The following EFNB2 variants were observed in gnomAD, a reference collection of about 807,000 sequenced individuals.
The protein encoded by EFNB2 is ephrin-B2.
In EFNB2, 5 loss-of-function variants were observed where a neutral mutation model predicts 32.1. That is an observed-to-expected ratio of 0.16 (90% confidence interval 0.08 to 0.33). EFNB2 has a LOEUF of 0.33. Among genes scored for constraint, EFNB2 ranks in the 10% least tolerant of loss-of-function variants. The pLI is 1.00. For missense variants in EFNB2, 263 were observed against 422.6 expected, an observed-to-expected ratio of 0.62 and a Z score of 3.31; for synonymous variants, 168 against 166.5, an observed-to-expected ratio of 1.01 and a Z score of -0.07.
intron 2 of EFNB2, chr13:106,506,012 A>G (rs531092177): frequency 7.0e-4 from 107 of 152,318 alleles, no homozygotes; most frequent in African/African-American, 2.5e-3. Context: ...TCTCAGTGCA[A>G]TCTCAAGTTA....
chr13:106,500,817 CG>C (rs1034658474), intron 2 of EFNB2, among the ~76,000 whole-genome samples: 4 of 152,092 alleles, frequency 2.6e-5, no homozygotes, highest in African/African-American at 9.7e-5. Flanking sequence ...TTCTGAAGAT[CG>C]GAAGACTGTT....
Position 106,526,320 on chromosome 13 carries a change from T to C in EFNB2, c.122+8523A>G, listed in dbSNP as rs187804516. ...ATACTTACTGGATGCCAATGCTGGA[T>C]AGAAGTAGGGACTGATGAAATGAAG... On this transcript the variant is annotated intron_variant, in intron 1 of 4. Coordinates refer to ENST00000646441, the MANE Select transcript of EFNB2 (RefSeq NM_004093.4). 2.6e-4 allele frequency among the ~76,000 whole-genome samples: 40 copies of C among 152,298 alleles called. No homozygotes were observed. The East Asian group carries it at 4.4e-3, about 17-fold the overall frequency.
rs9558782 is a variant in EFNB2 at position 106,535,549 on chromosome 13, G to A, written c.-585C>T. 0.26 allele frequency: 38,994 copies of A among 149,584 alleles called. 5,801 individuals are homozygous for A. The highest frequency in any genetic ancestry group is 0.69 in the East Asian group (3,367 of 4,892). 9.3% of individuals were successfully genotyped at this position (149,584 alleles called of 1,614,324 possible). A position where few individuals can be genotyped will look rare whatever the true frequency, so the allele number is the denominator to read the frequency against. ...GCAGGAAAGAGGGAGCTCGGTCCCC[G>A]CCGCGGGCTCCGGACGCGCGCGGGC... On this transcript the variant is annotated 5_prime_UTR_variant, in exon 1 of 5. Transcript: ENST00000646441.
chr13:106,523,395 A>C (rs1015778446), intron 1 of EFNB2, among the ~76,000 whole-genome samples: 3 of 152,158 alleles, frequency 2.0e-5, no homozygotes, highest in African/African-American at 7.2e-5. Flanking sequence ...CCTTGACCAA[A>C]ACCCAAAAAC....
chr13:106,525,691 C>T (rs1879676052), intron 1 of EFNB2, among the ~76,000 whole-genome samples: 1 of 152,200 alleles, frequency 6.6e-6, no homozygotes, highest in Non-Finnish European at 1.5e-5. Flanking sequence ...AATGCCATTC[C>T]CTTCTTCTGT....
intron 1 of EFNB2, among the ~76,000 whole-genome samples, chr13:106,534,134 C>G (rs1312584101): frequency 6.6e-6 from 1 of 152,194 alleles, no homozygotes; most frequent in Admixed American, 6.5e-5. Flanking sequence ...CCATCGAGAC[C>G]GCATACTCCG....
In EFNB2 at chr13:106,535,023, G is replaced by T; in HGVS notation, c.-59C>A. The T allele has an allele frequency of 6.3e-7, 1 of 1,599,562 alleles. No homozygotes were observed. Among genetic ancestry groups the T allele is most frequent in the Non-Finnish European group, 8.5e-7 (1 of 1,173,660 alleles). The stretch of plus-strand genomic sequence containing the variant: ...CCAAGAAGGGACTGACGGGACGCAG[G>T]CTGGGACCCCCAATCCTCCGGGGCA... On this transcript the variant is annotated 5_prime_UTR_variant, in exon 1 of 5. Coordinates refer to ENST00000646441, the MANE Select transcript of EFNB2 (RefSeq NM_004093.4).
At position 106,518,900 on chromosome 13, in the gene EFNB2, C is replaced by T. The variant is rs142529918; in HGVS notation, c.123-6088G>A. 156 of 152,210 alleles carry T rather than the reference C, an allele frequency of 1.0e-3. No individual in the cohort carries two copies. The highest frequency in any genetic ancestry group is 3.6e-3 in the African/African-American group (148 of 41,524). The allele number at this position is 152,210 out of a possible 1,614,324, so 9.4% of individuals were successfully genotyped here. On this transcript the variant is annotated intron_variant, in intron 1 of 4. Coordinates refer to ENST00000646441, the MANE Select transcript of EFNB2 (RefSeq NM_004093.4). This position sits in a 1 kb window ranked among gnomAD's most constrained non-coding sequence, Gnocchi z 4.1. ...GTGTAGATTAACCGAGAAGAAAACC[C>T]AAATCGCTGGGGGGCCACTTGATGC...
At chr13:106,496,477 C>G (rs1317218141) in intron 2 of EFNB2, among the ~76,000 whole-genome samples, 1 of 152,192 alleles carries the variant, frequency 6.6e-6, no homozygotes, top group African/African-American at 2.4e-5. Flanking sequence ...CAATGTCAAC[C>G]TTAGTCAACC....
chr13:106,534,198 GAGAAGCCTAAGGC>G (rs1305161126), intron 1 of EFNB2, among the ~76,000 whole-genome samples: 3 of 152,094 alleles, frequency 2.0e-5, no homozygotes, highest in Non-Finnish European at 4.4e-5. Context: ...GGCCCTCAGG[GAGAAGCCTAAGGC>G]CCGTCTCCCC....
At chr13:106,502,425 G>A (rs1454250447) in intron 2 of EFNB2, among the ~76,000 whole-genome samples, 1 of 152,174 alleles carries the variant, frequency 6.6e-6, no homozygotes, top group Non-Finnish European at 1.5e-5. Context: ...ATTCTACCCA[G>A]AGCTCAGAAA....
At chr13:106,495,655 C>T (rs1263141374) in intron 3 of EFNB2, 93 bp downstream of exon 3, 23 of 1,199,010 alleles carry the variant, frequency 1.9e-5, no homozygotes, top group African/African-American at 1.2e-4. Context: ...AAAAGAAGAG[C>T]GAATGAAGGT....
chr13:106,509,675 T>TGTGTGTG (rs1879074469), intron 2 of EFNB2: 2 of 132,666 alleles, frequency 1.5e-5, no homozygotes, highest in Non-Finnish European at 3.4e-5. Context: ...GTGTGTGCAT[T>TGTGTGTG]TGTCTGATAT....
intron 2 of EFNB2, among the ~76,000 whole-genome samples, chr13:106,505,209 CAT>C (rs1465713281): frequency 1.3e-5 from 2 of 152,186 alleles, no homozygotes; most frequent in South Asian, 2.1e-4. Context: ...ATGTATGCAA[CAT>C]GTGTGTACGT....
At position 106,508,863 on chromosome 13, in the gene EFNB2, T is replaced by C. The variant is rs996051733; in HGVS notation, c.406+3666A>G. ...GGGGACTTAGTTAATACTTAGTGTGTTTAAAAATACAGTTCAAATTAAAAA... is the reference window on the plus strand; with the variant it reads ...GGGGACTTAGTTAATACTTAGTGTGCTTAAAAATACAGTTCAAATTAAAAA... On this transcript the variant is annotated intron_variant, in intron 2 of 4. Coordinates refer to ENST00000646441, the MANE Select transcript of EFNB2 (RefSeq NM_004093.4). Among the ~76,000 whole-genome samples the C allele has an allele frequency of 2.0e-5, 3 of 152,240 alleles. No individual in the cohort carries two copies. In the East Asian group the frequency reaches 5.8e-4, roughly 29 times the overall value.
Position 106,510,061 on chromosome 13 carries a change from A to G in EFNB2, c.406+2468T>C, listed in dbSNP as rs1317710777. ...CGTAGTTTCAAACTTGAGACCCTCAATTCTGTATTAAGAAAGATTCATTTA... is the reference window on the plus strand; with the variant it reads ...CGTAGTTTCAAACTTGAGACCCTCAGTTCTGTATTAAGAAAGATTCATTTA... On this transcript the variant is annotated intron_variant, in intron 2 of 4. Transcript: ENST00000646441. 2.0e-5 allele frequency: 3 copies of G among 152,158 alleles called. No individual in the cohort carries two copies. In the East Asian group the frequency reaches 5.8e-4, roughly 29 times the overall value. 9.4% of individuals were successfully genotyped at this position (152,158 alleles called of 1,614,324 possible). A position where few individuals can be genotyped will look rare whatever the true frequency, so the allele number is the denominator to read the frequency against.
chr13:106,512,098 A>T (rs1293504047), intron 2 of EFNB2, among the ~76,000 whole-genome samples: 1 of 152,124 alleles, frequency 6.6e-6, no homozygotes, highest in Non-Finnish European at 1.5e-5. Context: ...TTCACTGCTG[A>T]ATCCCTAGCC....
intron 2 of EFNB2, among the ~76,000 whole-genome samples, chr13:106,497,869 A>G (rs1220721486): frequency 6.6e-6 from 1 of 152,202 alleles, no homozygotes; most frequent in Non-Finnish European, 1.5e-5. Flanking sequence ...GAGCAGAGCT[A>G]TAATCTTCAA....
chr13:106,493,064 C>T lies in EFNB2; in HGVS notation c.978G>A (p.Pro326=), dbSNP rs200504952. 3.2e-5 allele frequency: 52 copies of T among 1,611,846 alleles called. No individual in the cohort carries two copies. The East Asian group carries it at 3.3e-4, about 10-fold the overall frequency. The change falls in exon 5 of 5, where the codon CCG becomes CCA. Residue 326 remains proline (P), a synonymous_variant. Coordinates refer to ENST00000646441, the MANE Select transcript of EFNB2 (RefSeq NM_004093.4). This position sits in a 1 kb window ranked among gnomAD's most constrained non-coding sequence, Gnocchi z 6.1. ...YIVQEMPPQS[P]ANIYYKV ...CTCAGACCTTGTAGTAAATGTTCGC[C>T]GGGCTCTGCGGGGGCATCTCCTGGA...
Sources: allele counts gnomAD v4.1 joint callset (sites outside exome capture counted in the v4.1 genomes callset), GRCh38; gene constraint gnomAD v4.1.1; non-coding constraint Gnocchi (gnomAD v3.1); transcripts MANE v1.5; gene names NCBI Gene and HGNC (gene_info 2026-07-23, HGNC 2026-07-21).